The following TSC22D3 variants were observed in gnomAD, a reference collection of about 807,000 sequenced individuals.
TSC22D3 encodes TSC22 domain family protein 3.
In TSC22D3, 4 loss-of-function variants were observed where a neutral mutation model predicts 11.1. The ratio of observed to expected loss-of-function variants is 0.36; its 90% CI spans 0.18 to 0.83. The LOEUF (loss-of-function observed/expected upper bound fraction) is 0.83. Among genes scored for constraint, TSC22D3 ranks in the 40% least tolerant of loss-of-function variants. The pLI, the probability that TSC22D3 is intolerant of heterozygous loss-of-function variation, is 0.48. For synonymous variants in TSC22D3, 77 were observed against 70.3 expected (o/e 1.10, Z -0.48); for missense variants, 118 against 159.4 (o/e 0.74, Z 1.40).
chrX:107,764,444 C>G (rs751020666), intron 1 of TSC22D3, among the ~76,000 whole-genome samples: 1 of 111,942 alleles, frequency 8.9e-6, no homozygotes, highest in South Asian at 3.8e-4. Context: ...GGAACGTTGA[C>G]CATGAACAAC....
At chrX:107,726,649 A>T (rs1041348092) in intron 1 of TSC22D3, among the ~76,000 whole-genome samples, 8 of 111,038 alleles carry the variant, frequency 7.2e-5, no homozygotes, top group Non-Finnish European at 1.5e-4. Flanking sequence ...TCTTTCTTTC[A>T]TCTTCTTTTT....
At chrX:107,734,646 T>A (rs1281735583) in intron 1 of TSC22D3, among the ~76,000 whole-genome samples, 1 of 110,053 alleles carries the variant, frequency 9.1e-6, no homozygotes, top group Non-Finnish European at 1.9e-5. Context: ...AAAAATGTGG[T>A]CTTGGGGGAC....
At chrX:107,748,941 G>A (rs929549685) in intron 1 of TSC22D3, among the ~76,000 whole-genome samples, 2 of 111,912 alleles carry the variant, frequency 1.8e-5, no homozygotes, top group Middle Eastern at 9.2e-3. Flanking sequence ...GGCATTGCCA[G>A]CCTATAGCCA....
chrX:107,731,845 G>A (rs1194336261), intron 1 of TSC22D3, among the ~76,000 whole-genome samples: 1 of 91,314 alleles, frequency 1.1e-5, no homozygotes, highest in African/African-American at 4.0e-5. Context: ...AAGAGGTGCG[G>A]AAGGCTTGCA....
At chrX:107,749,539 C>T (rs982868847) in intron 1 of TSC22D3, among the ~76,000 whole-genome samples, 1 of 111,142 alleles carries the variant, frequency 9.0e-6, no homozygotes, top group African/African-American at 3.3e-5. Flanking sequence ...GACCCTCCCA[C>T]TTTGGCCTCC....
intron 1 of TSC22D3, among the ~76,000 whole-genome samples, chrX:107,733,941 C>T (rs1251280878): frequency 8.9e-6 from 1 of 111,987 alleles, no homozygotes; most frequent in Non-Finnish European, 1.9e-5. Flanking sequence ...CCCATTTTTC[C>T]CTTCACCTCT....
chrX:107,769,056 A>C (rs1442671623), intron 1 of TSC22D3, among the ~76,000 whole-genome samples: 1 of 112,665 alleles, frequency 8.9e-6, no homozygotes, highest in African/African-American at 3.2e-5. Flanking sequence ...TGCTCATTTT[A>C]TGACAGGTTC....
chrX:107,749,188 C>T (rs1250075103), intron 1 of TSC22D3, among the ~76,000 whole-genome samples: 20 of 48,043 alleles, frequency 4.2e-4, no homozygotes, highest in Non-Finnish European at 8.6e-4. Flanking sequence ...TACACACACA[C>T]ACACACACAC....
At chrX:107,741,277 T>C (rs906323684) in intron 1 of TSC22D3, among the ~76,000 whole-genome samples, 2 of 111,944 alleles carry the variant, frequency 1.8e-5, no homozygotes, top group Non-Finnish European at 3.8e-5. Flanking sequence ...CTGAAATGAG[T>C]GAGGACTGGG....
In TSC22D3 at chrX:107,771,473, T is replaced by C. The variant is rs750465371; in HGVS notation, c.320+3627A>G. On this transcript the variant is annotated intron_variant, in intron 1 of 2. Coordinates refer to ENST00000372383, the MANE Select transcript of TSC22D3 (RefSeq NM_198057.3). The stretch of plus-strand genomic sequence containing the variant: ...GGTGGCGTGCGCCTGTAGTCCCAGC[T>C]ACTGAGGAGGCTGAGACAGGGGAAT... 2.7e-5 allele frequency among the ~76,000 whole-genome samples: 3 copies of C among 111,586 alleles called. No homozygotes were observed. The Admixed American group carries it at 2.9e-4, about 11-fold the overall frequency.
chrX:107,747,076 A>G (rs1235097608), intron 1 of TSC22D3, among the ~76,000 whole-genome samples: 1 of 113,037 alleles, frequency 8.8e-6, no homozygotes, highest in East Asian at 2.7e-4. Flanking sequence ...ATTCCAAACT[A>G]AGAACATTTA....
At chrX:107,765,395 T>C (rs1356641097) in intron 1 of TSC22D3, among the ~76,000 whole-genome samples, 1 of 112,074 alleles carries the variant, frequency 8.9e-6, no homozygotes, top group Non-Finnish European at 1.9e-5. Context: ...GTGCAGCTGC[T>C]CCACTCCTTC....
intron 1 of TSC22D3, among the ~76,000 whole-genome samples, chrX:107,755,423 C>A (rs1031595511): frequency 8.9e-6 from 1 of 112,182 alleles, no homozygotes; most frequent in Non-Finnish European, 1.9e-5. Context: ...TGAGGTGTAA[C>A]CCAGACAGAA....
intron 2 of TSC22D3, among the ~76,000 whole-genome samples, chrX:107,715,100 C>T (rs1926942063): frequency 8.9e-6 from 1 of 112,050 alleles, no homozygotes; most frequent in Admixed American, 9.4e-5. Flanking sequence ...CCCCTTTTTA[C>T]ATAAGCCCCT....
At chrX:107,750,598 G>C (rs1261906572) in intron 1 of TSC22D3, among the ~76,000 whole-genome samples, 1 of 111,526 alleles carries the variant, frequency 9.0e-6, no homozygotes, top group Non-Finnish European at 1.9e-5. Flanking sequence ...GAGAGCTGGG[G>C]AGTTGGGAGA....
intron 1 of TSC22D3, among the ~76,000 whole-genome samples, chrX:107,742,137 A>T (rs958882414): frequency 9.1e-6 from 1 of 110,382 alleles, no homozygotes; most frequent in Non-Finnish European, 1.9e-5. Flanking sequence ...AAGTTGCACC[A>T]GCAGGTGATG....
chrX:107,716,176 A>G, intron 1 of TSC22D3: 3 of 680,915 alleles, frequency 4.4e-6, no homozygotes, highest in Non-Finnish European at 6.2e-6. Flanking sequence ...CGCCGCCCCG[A>G]GTTCCAACCG....
At chrX:107,752,728 T>G (rs142559193) in intron 1 of TSC22D3, among the ~76,000 whole-genome samples, 1,914 of 111,035 alleles carry the variant, frequency 0.017, 41 homozygotes, top group African/African-American at 0.059. Flanking sequence ...TAAAGATGGA[T>G]CACTGCTGCC....
At chrX:107,723,062 G>A (rs1474180668) in intron 1 of TSC22D3, among the ~76,000 whole-genome samples, 1 of 110,320 alleles carries the variant, frequency 9.1e-6, no homozygotes, top group Non-Finnish European at 1.9e-5. Context: ...CTTGGGTTGG[G>A]GGGTGGCCTG....
Sources: gnomAD v4.1 joint callset for allele counts (sites outside exome capture counted in the v4.1 genomes callset) on GRCh38, gnomAD v4.1.1 for gene constraint, MANE v1.5 for transcripts, NCBI Gene and HGNC (gene_info 2026-07-23, HGNC 2026-07-21) for gene names.